FBXO16: variants seen among roughly 807,000 people sequenced by gnomAD.
The protein encoded by FBXO16 is F-box protein 16.
In FBXO16, 31 loss-of-function variants were observed where a neutral mutation model predicts 41.0. The observed-to-expected ratio is 0.76, with a 90% CI of 0.57 to 1.02. The LOEUF (loss-of-function observed/expected upper bound fraction) is 1.02, where lower values mean the gene tolerates loss of function less well. FBXO16 is among the 50% of genes least tolerant of loss of function. The probability of loss-of-function intolerance (pLI) is 0.00; values close to 1 mark genes in which losing one functional copy is unlikely to be tolerated. For synonymous variants in FBXO16, 133 were observed against 117.8 expected, an observed-to-expected ratio of 1.13 and a Z score of -0.84; for missense variants, 361 against 346.2, an observed-to-expected ratio of 1.04 and a Z score of -0.34.
intron 5 of FBXO16, among the ~76,000 whole-genome samples, chr8:28,454,584 C>A (rs945481734): frequency 1.3e-5 from 2 of 151,070 alleles, no homozygotes; most frequent in African/African-American, 4.9e-5. Context: ...AAAAATTAGC[C>A]GGGCATGGTG....
intron 2 of FBXO16, among the ~76,000 whole-genome samples, chr8:28,476,465 T>A (rs1803424992): frequency 1.3e-5 from 2 of 152,240 alleles, no homozygotes; most frequent in Admixed American, 1.3e-4. Flanking sequence ...TATAGTCTTA[T>A]ACACCCTGGT....
At chr8:28,432,154 T>A (rs1318243322) in intron 7 of FBXO16, among the ~76,000 whole-genome samples, 1 of 151,764 alleles carries the variant, frequency 6.6e-6, no homozygotes, top group Non-Finnish European at 1.5e-5. Flanking sequence ...TGTGTGTGTG[T>A]GTGTGTGTGT....
chr8:28,452,919 A>T (rs541442766), intron 5 of FBXO16, among the ~76,000 whole-genome samples: 5,125 of 126,610 alleles, frequency 0.04, 283 homozygotes, highest in African/African-American at 0.14. Flanking sequence ...AAAATAAAAA[A>T]AAAGAAAAAA....
chr8:28,480,749 C>T (rs932962357), intron 2 of FBXO16, among the ~76,000 whole-genome samples: 3 of 152,192 alleles, frequency 2.0e-5, no homozygotes, highest in African/African-American at 4.8e-5. Flanking sequence ...AGGTGATCCA[C>T]TCGCCTTGGC....
chr8:28,436,520 G>A (rs113970578), intron 7 of FBXO16, among the ~76,000 whole-genome samples: 3,331 of 152,180 alleles, frequency 0.022, 116 homozygotes, highest in African/African-American at 0.075. Flanking sequence ...TAAGCAACTC[G>A]AGCCAGGGTT....
Position 28,452,316 on chromosome 8 carries a change from T to C in FBXO16, c.668A>G (p.Asp223Gly), listed in dbSNP as rs1802967154. 1.9e-6 allele frequency: 3 copies of C among 1,614,092 alleles called. No individual in the cohort carries two copies. Among genetic ancestry groups the C allele is most frequent in the Admixed American group, 1.7e-5 (1 of 60,000 alleles). ...EKALPPWRSS[D>G]KHPTDIIRFN... ...ACGAATGATATCTGTTGGGTGCTTA[T>C]CAGAAGATCGCCAGGGTGGAAGTGC... The change falls in exon 6 of 9, where the codon GAT becomes GGT. Residue 223 changes from aspartate (D) to glycine (G), a missense_variant. Transcript: ENST00000380254.
Position 28,463,705 on chromosome 8 carries a change from T to C in FBXO16, c.249A>G (p.Ala83=), listed in dbSNP as rs1473433276. The C allele has an allele frequency of 1.2e-6, 2 of 1,614,238 alleles. No individual in the cohort carries two copies. Among genetic ancestry groups the C allele is most frequent in the Admixed American group, 3.3e-5 (2 of 60,030 alleles). The change falls in exon 4 of 9, where the codon GCA becomes GCG. Residue 83 remains alanine, a synonymous_variant. Coordinates refer to ENST00000380254, the MANE Select transcript of FBXO16 (RefSeq NM_172366.4). The part of the protein sequence containing the change: ...CCRKLQEKIP[A]EALDFTTKLP... ...GCTTGGTTGTAAAGTCCAGGGCTTC[T>C]GCTGGAATTTTCTCTTGAAGCTTTC...
chr8:28,431,205 G>T (rs1006058199), intron 7 of FBXO16, among the ~76,000 whole-genome samples: 2 of 152,074 alleles, frequency 1.3e-5, no homozygotes, highest in African/African-American at 4.8e-5. Context: ...ACCATGGCAG[G>T]CCCCAGGGCC....
chr8:28,428,453 A>T lies in FBXO16; in HGVS notation c.*274T>A. 1 of 1,064,408 alleles carries T rather than the reference A, an allele frequency of 9.4e-7. No individual in the cohort carries two copies. 65.9% of individuals were successfully genotyped at this position (1,064,408 alleles called of 1,614,324 possible). A position where few individuals can be genotyped will look rare whatever the true frequency, so the allele number is the denominator to read the frequency against. The stretch of plus-strand genomic sequence containing the variant: ...TTACTGAAATACCGTAGGACTCACT[A>T]CCACAATAAGTACTTAAGCTGAAAG... On this transcript the variant is annotated 3_prime_UTR_variant, in exon 9 of 9. Coordinates refer to ENST00000380254, the MANE Select transcript of FBXO16 (RefSeq NM_172366.4).
chr8:28,472,510 CG>C (rs2130179018), intron 3 of FBXO16, among the ~76,000 whole-genome samples: 1 of 151,974 alleles, frequency 6.6e-6, no homozygotes, highest in South Asian at 2.1e-4. Flanking sequence ...CAAGGGGGGG[CG>C]GGGTGGATCA....
intron 6 of FBXO16, among the ~76,000 whole-genome samples, chr8:28,450,568 T>C (rs544988644): frequency 7.2e-4 from 110 of 152,326 alleles, no homozygotes; most frequent in African/African-American, 2.4e-3. Flanking sequence ...TTTCATTTGT[T>C]TAATCTTTGC....
In FBXO16 at chr8:28,440,499, A is replaced by C. The variant is rs905453500; in HGVS notation, c.843+6672T>G. Among the ~76,000 whole-genome samples, 3 of 152,308 alleles carry C rather than the reference A, an allele frequency of 2.0e-5. No individual in the cohort carries two copies. The East Asian group carries it at 5.8e-4, about 29-fold the overall frequency. On this transcript the variant is annotated intron_variant, in intron 7 of 8. Coordinates refer to ENST00000380254, the MANE Select transcript of FBXO16 (RefSeq NM_172366.4). ...TAGAACTGGGGTTTCCTGATTCTTAAACCATTGTTCATTCCACAATATGAT... is the reference window on the plus strand; with the variant it reads ...TAGAACTGGGGTTTCCTGATTCTTACACCATTGTTCATTCCACAATATGAT...
intron 3 of FBXO16, among the ~76,000 whole-genome samples, chr8:28,470,490 C>T (rs1803317313): frequency 2.0e-5 from 3 of 152,122 alleles, no homozygotes; most frequent in Admixed American, 1.3e-4. Context: ...TCAAAGCGTA[C>T]GTGCATTTAA....
At chr8:28,474,937 G>A (rs1803401029) in intron 2 of FBXO16, among the ~76,000 whole-genome samples, 1 of 152,214 alleles carries the variant, frequency 6.6e-6, no homozygotes. Context: ...ATATTTCAGT[G>A]AGTGAGGAAA....
At chr8:28,486,503 C>T (rs1025546366) in intron 1 of FBXO16, among the ~76,000 whole-genome samples, 7 of 152,114 alleles carry the variant, frequency 4.6e-5, no homozygotes, top group South Asian at 2.1e-4. Context: ...GGATTACAGG[C>T]GTAAGCCACC....
chr8:28,474,340 A>G (rs1803387460), intron 2 of FBXO16, among the ~76,000 whole-genome samples: 1 of 144,198 alleles, frequency 6.9e-6, no homozygotes, highest in South Asian at 2.2e-4. Context: ...AAAAAAAAAA[A>G]AAAAAAAAAA....
chr8:28,456,749 TTCTG>T lies in FBXO16; in HGVS notation c.507+13_507+16del, dbSNP rs1461408648. ...AGCCAATGTTTGCAAGCTTGTGGCT[TTCTG>T]TCTAAAATTCACCTTAGGCTTGGTA... On this transcript the variant is annotated intron_variant, in intron 5 of 8. Transcript: ENST00000380254. 6.2e-7 allele frequency: 1 copy of T among 1,611,344 alleles called. No individual in the cohort carries two copies. The highest frequency in any genetic ancestry group is 1.1e-5 in the South Asian group (1 of 90,698).
In FBXO16 at chr8:28,428,757, A is replaced by G. The variant is rs369364477; in HGVS notation, c.870-21T>C. On this transcript the variant is annotated intron_variant, in intron 8 of 8. Coordinates refer to ENST00000380254, the MANE Select transcript of FBXO16 (RefSeq NM_172366.4). ...GACATCTAGAAAGGAAAAAGGAATC[A>G]TGAAAGCGAGGGTTATTGAAATACC... is the stretch of plus-strand genomic sequence containing the variant. The G allele has an allele frequency of 3.7e-4, 551 of 1,501,716 alleles. 9 individuals carry two copies. The South Asian group carries it at 5.8e-3, about 16-fold the overall frequency. The allele number at this position is 1,501,716 out of a possible 1,614,324, so 93.0% of individuals were successfully genotyped here. A position where few individuals can be genotyped will look rare whatever the true frequency, so the allele number is the denominator to read the frequency against.
Position 28,428,686 on chromosome 8 carries a change from C to A in FBXO16, c.*41G>T. On this transcript the variant is annotated 3_prime_UTR_variant, in exon 9 of 9. Transcript: ENST00000380254. The stretch of plus-strand genomic sequence containing the variant: ...GGAGTCCCACTGACTCAGGGGGAGG[C>A]CAGGCGAGATGAGCTGGAACTTTTA... 1 of 1,573,984 alleles carries A rather than the reference C, an allele frequency of 6.4e-7. No homozygotes were observed. Among genetic ancestry groups the A allele is most frequent in the Non-Finnish European group, 8.6e-7 (1 of 1,160,898 alleles).
Sources: gnomAD v4.1 joint callset for allele counts (sites outside exome capture counted in the v4.1 genomes callset) on GRCh38, gnomAD v4.1.1 for gene constraint, MANE v1.5 for transcripts, NCBI Gene and HGNC (gene_info 2026-07-23, HGNC 2026-07-21) for gene names.